The following DNAH14 variants were observed in gnomAD, a reference collection of about 807,000 sequenced individuals.
DNAH14 encodes dynein axonemal heavy chain 14.
In DNAH14, 478 loss-of-function variants were observed where a neutral mutation model predicts 520.9. The ratio of observed to expected loss-of-function variants is 0.92; its 90% CI spans 0.85 to 0.99. The LOEUF is 0.99. DNAH14 is among the 50% of genes least tolerant of loss of function. DNAH14 has a pLI of 0.00. For missense variants in DNAH14, 4,831 were observed against 5,234.5 expected (o/e 0.92, Z 2.38); for synonymous variants, 1,581 against 1,757.2 (o/e 0.90, Z 2.51).
At chr1:225,209,770 G>A (rs540431651) in intron 41 of DNAH14, among the ~76,000 whole-genome samples, 1 of 152,098 alleles carries the variant, frequency 6.6e-6, no homozygotes. Context: ...GCAGAAGGTG[G>A]GTGATTTCTG....
At chr1:225,218,984 C>G (rs1173763557) in intron 41 of DNAH14, among the ~76,000 whole-genome samples, 1 of 152,168 alleles carries the variant, frequency 6.6e-6, no homozygotes, top group African/African-American at 2.4e-5. Context: ...CAAGTTAGAA[C>G]TCAGGATTAA....
intron 17 of DNAH14, among the ~76,000 whole-genome samples, chr1:225,060,401 A>G (rs189505245): frequency 5.1e-4 from 78 of 152,118 alleles, no homozygotes; most frequent in Non-Finnish European, 9.6e-4. Flanking sequence ...TGGTTATTCT[A>G]GTTAGCCATT....
intron 5 of DNAH14, among the ~76,000 whole-genome samples, chr1:224,966,972 A>G (rs2061209358): frequency 6.6e-6 from 1 of 152,190 alleles, no homozygotes; most frequent in African/African-American, 2.4e-5. Flanking sequence ...TATATGAAAG[A>G]GTTATTACTC....
At chr1:225,271,434 C>G (rs1353063748) in intron 50 of DNAH14, among the ~76,000 whole-genome samples, 1 of 151,952 alleles carries the variant, frequency 6.6e-6, no homozygotes, top group Admixed American at 6.6e-5. Context: ...CCTAATCTTG[C>G]TTAAGATTTA....
At chr1:224,947,124 G>A (rs575054888) in intron 1 of DNAH14, among the ~76,000 whole-genome samples, 82 of 151,954 alleles carry the variant, frequency 5.4e-4, no homozygotes, top group African/African-American at 1.7e-3. Flanking sequence ...TACCATGTTA[G>A]TCAGGCTGGT....
Position 225,051,526 on chromosome 1 carries a change from T to C in DNAH14, c.2155T>C (p.Cys719Arg), listed in dbSNP as rs1264998160. The C allele has an allele frequency of 1.3e-5, 20 of 1,550,796 alleles. No homozygotes were observed. Among genetic ancestry groups the C allele is most frequent in the African/African-American group, 4.1e-5 (3 of 73,024 alleles). ...TTACAGCCACAAGTTTATAAAGTATTGTACCATGACAGAAAAGGCCAAAAT... is the reference window on the plus strand; with the variant it reads ...TTACAGCCACAAGTTTATAAAGTATCGTACCATGACAGAAAAGGCCAAAAT... ...NAYSHKFIKY[C>R]TMTEKAKIMS... The change falls in exon 17 of 86, where the codon TGT becomes CGT. Residue 719 changes from cysteine to arginine, a missense_variant. By Grantham distance (180) the Cys-to-Arg change is radical (BLOSUM62 -3). Coordinates refer to ENST00000682510, the MANE Select transcript of DNAH14 (RefSeq NM_001367479.1).
chr1:225,333,226 A>C lies in DNAH14; in HGVS notation c.9865-65A>C, dbSNP rs532870522. The C allele has an allele frequency of 2.2e-4, 292 of 1,298,858 alleles. 4 individuals carry two copies. The South Asian group carries it at 4.6e-3, about 21-fold the overall frequency. 80.5% of individuals were successfully genotyped at this position (1,298,858 alleles called of 1,614,324 possible). ...TGATAGATCCAACTTGGAAATCATT[A>C]ATTTTAAAATATCTCATGATAATAT... is the stretch of plus-strand genomic sequence containing the variant. On this transcript the variant is annotated intron_variant, in intron 65 of 85. Coordinates refer to ENST00000682510, the MANE Select transcript of DNAH14 (RefSeq NM_001367479.1).
intron 60 of DNAH14, among the ~76,000 whole-genome samples, chr1:225,309,661 G>T (rs1005851177): frequency 1.3e-5 from 2 of 152,192 alleles, no homozygotes; most frequent in Non-Finnish European, 2.9e-5. Flanking sequence ...TTGGGAGGCC[G>T]AGGCGGGTAG....
chr1:225,330,911 C>A (rs538559630), intron 64 of DNAH14, among the ~76,000 whole-genome samples: 1 of 151,864 alleles, frequency 6.6e-6, no homozygotes, highest in Non-Finnish European at 1.5e-5. Context: ...ATCTCATGTG[C>A]CCCCTAAATA....
intron 71 of DNAH14, among the ~76,000 whole-genome samples, chr1:225,349,917 G>C (rs1200947039): frequency 1.3e-5 from 2 of 152,122 alleles, no homozygotes; most frequent in African/African-American, 4.8e-5. Flanking sequence ...TAAGGAAATA[G>C]AGGACTTGCA....
At chr1:225,398,949 T>C (rs2096062635) in intron 85 of DNAH14, 105 bp from the exon 86 acceptor site, 3 of 920,128 alleles carry the variant, frequency 3.3e-6, no homozygotes, top group Non-Finnish European at 3.2e-6. Context: ...ACCTTAAATG[T>C]ATCTAATTCA....
At chr1:225,069,278 T>C (rs567561852) in intron 17 of DNAH14, among the ~76,000 whole-genome samples, 1 of 152,332 alleles carries the variant, frequency 6.6e-6, no homozygotes, top group South Asian at 2.1e-4. Context: ...ATCCTTTTCT[T>C]CTGCCAGTTT....
intron 20 of DNAH14, among the ~76,000 whole-genome samples, chr1:225,084,244 G>T: frequency 6.6e-6 from 1 of 152,012 alleles, no homozygotes; most frequent in East Asian, 1.9e-4. Context: ...AAGGGATAAG[G>T]AGGCAATCAG....
rs200323857 is a variant in DNAH14, at chr1:225,026,438, A to G, written c.1358+2573A>G. Among the ~76,000 whole-genome samples the G allele has an allele frequency of 4.9e-4, 74 of 152,174 alleles. No individual in the cohort carries two copies. In the East Asian group the frequency reaches 0.014, roughly 29 times the overall value. ...TTTTGAGTTAATTTTTGTAGATGGT[A>G]TGAGATAGGGTCCAAATTTCTTCTT... On this transcript the variant is annotated intron_variant, in intron 11 of 85. Coordinates refer to ENST00000682510, the MANE Select transcript of DNAH14 (RefSeq NM_001367479.1).
intron 23 of DNAH14, among the ~76,000 whole-genome samples, chr1:225,104,393 G>A (rs552138503): frequency 6.6e-6 from 1 of 152,142 alleles, no homozygotes; most frequent in East Asian, 1.9e-4. Flanking sequence ...GATGATACTG[G>A]CTTCATAAAA....
chr1:225,053,420 A>G (rs79491017), intron 17 of DNAH14, among the ~76,000 whole-genome samples: 1 of 152,218 alleles, frequency 6.6e-6, no homozygotes, highest in Admixed American at 6.5e-5. Flanking sequence ...GACTTGGAAC[A>G]TTATTCTTAA....
In DNAH14 at chr1:225,223,448, G is replaced by C. The variant is rs753482659; in HGVS notation, c.6440-7625G>C. On this transcript the variant is annotated intron_variant, in intron 41 of 85. Coordinates refer to ENST00000682510, the MANE Select transcript of DNAH14 (RefSeq NM_001367479.1). ...CCTTTAAAGGGAGACAAGTTACAAA[G>C]AGCCCATGAATTAGTTGAGGAGTAA... Among the ~76,000 whole-genome samples the C allele has an allele frequency of 9.2e-5, 14 of 152,086 alleles. 1 individual carries two copies. The highest frequency in any genetic ancestry group is 1.5e-4 in the Non-Finnish European group (10 of 68,020).
chr1:225,146,789 A>T lies in DNAH14; in HGVS notation c.4795-315A>T, dbSNP rs530795291. ...CCCAGGGTGCAGCTGTGTGAGGGAA[A>T]TGGCTGTCCAGGGAGGGATCTGGTA... On this transcript the variant is annotated intron_variant, in intron 30 of 85. Coordinates refer to ENST00000682510, the MANE Select transcript of DNAH14 (RefSeq NM_001367479.1). Among the ~76,000 whole-genome samples the T allele has an allele frequency of 3.0e-4, 46 of 152,360 alleles. No individual in the cohort carries two copies. In the East Asian group the frequency reaches 8.7e-3, roughly 29 times the overall value.
chr1:225,288,386 C>G (rs890528707), intron 54 of DNAH14, among the ~76,000 whole-genome samples: 5 of 151,856 alleles, frequency 3.3e-5, no homozygotes, highest in African/African-American at 1.2e-4. Flanking sequence ...GATTTGGCTG[C>G]TAAATGTAAT....
Sources: allele counts gnomAD v4.1 joint callset (sites outside exome capture counted in the v4.1 genomes callset), GRCh38; gene constraint gnomAD v4.1.1; transcripts MANE v1.5; gene names NCBI Gene and HGNC (gene_info 2026-07-23, HGNC 2026-07-21).